Variants in RAB8B observed in about 807,000 individuals in gnomAD.
RAB8B encodes ras-related protein Rab-8B.
RAB8B carries 11 observed loss-of-function variants against 32.0 expected under a neutral mutation model. The ratio of observed to expected loss-of-function variants is 0.34; its 90% CI spans 0.22 to 0.57. The LOEUF (loss-of-function observed/expected upper bound fraction) is 0.57. RAB8B is among the 20% of genes least tolerant of loss of function. The pLI is 0.86. For synonymous variants in RAB8B, 103 were observed against 89.6 expected, an observed-to-expected ratio of 1.15 and a Z score of -0.85; for missense variants, 190 against 258.5, an observed-to-expected ratio of 0.73 and a Z score of 1.82.
At chr15:63,241,564 A>C (rs1246149229) in intron 1 of RAB8B, among the ~76,000 whole-genome samples, 1 of 152,172 alleles carries the variant, frequency 6.6e-6, no homozygotes, top group African/African-American at 2.4e-5. Context: ...CCGTAGAACT[A>C]TTTCATCTTG....
intron 1 of RAB8B, among the ~76,000 whole-genome samples, chr15:63,190,455 A>G (rs2037546375): frequency 6.6e-6 from 1 of 152,084 alleles, no homozygotes; most frequent in South Asian, 2.1e-4. Flanking sequence ...GGAAAAGAGG[A>G]AGCAACATCA....
At chr15:63,257,855 T>C (rs1018700703) in intron 5 of RAB8B, among the ~76,000 whole-genome samples, 18 of 151,652 alleles carry the variant, frequency 1.2e-4, no homozygotes, top group Non-Finnish European at 2.5e-4. Flanking sequence ...GGTCAGGAGT[T>C]CGAGACCAGC....
At chr15:63,200,683 A>G (rs1189213559) in intron 1 of RAB8B, among the ~76,000 whole-genome samples, 4 of 152,302 alleles carry the variant, frequency 2.6e-5, no homozygotes, top group Admixed American at 2.6e-4. Context: ...AGATAGGTGA[A>G]AAATAGTCTA....
chr15:63,259,991 C>T lies in RAB8B; in HGVS notation c.480+299C>T, dbSNP rs563103188. 6.5e-4 allele frequency among the ~76,000 whole-genome samples: 99 copies of T among 152,248 alleles called. No individual in the cohort carries two copies. The highest frequency in any genetic ancestry group is 1.7e-3 in the South Asian group (8 of 4,818). On this transcript the variant is annotated intron_variant, in intron 6 of 7. Transcript: ENST00000321437. The surrounding 1 kb of genome is among the most constrained non-coding windows in gnomAD (Gnocchi z 4.4). Reference sequence around the variant, plus strand: ...CTGGTACTATAGGTGTGCATCACCACGCCCAGCTAATTTTTGTATTTTTAG... The same window carrying T: ...CTGGTACTATAGGTGTGCATCACCATGCCCAGCTAATTTTTGTATTTTTAG...
rs2038180133 is a variant in RAB8B, at chr15:63,259,014, A to G, written c.415-613A>G. On this transcript the variant is annotated intron_variant, in intron 5 of 7. Coordinates refer to ENST00000321437, the MANE Select transcript of RAB8B (RefSeq NM_016530.3). The surrounding 1 kb of genome is among the most constrained non-coding windows in gnomAD (Gnocchi z 4.4). ...AATTGGCCTTAGGTTCCCTGCCTCC[A>G]GACCCTATTCTGCTACCTTAGGAGG... Among the ~76,000 whole-genome samples, 2 of 152,194 alleles carry G rather than the reference A, an allele frequency of 1.3e-5. No homozygotes were observed. Among genetic ancestry groups the G allele is most frequent in the South Asian group, 4.1e-4 (2 of 4,822 alleles).
At chr15:63,203,861 T>A (rs1004203404) in intron 1 of RAB8B, among the ~76,000 whole-genome samples, 5 of 152,158 alleles carry the variant, frequency 3.3e-5, no homozygotes, top group Non-Finnish European at 5.9e-5. Context: ...CTCAGAAGTA[T>A]TTTTTCTGAT....
chr15:63,233,803 G>C (rs1337302689), intron 1 of RAB8B, among the ~76,000 whole-genome samples: 1 of 150,744 alleles, frequency 6.6e-6, no homozygotes, highest in African/African-American at 2.4e-5. Flanking sequence ...ACAAAGTCCT[G>C]TTTTTTTTTC....
At chr15:63,193,973 A>G (rs2141104792) in intron 1 of RAB8B, among the ~76,000 whole-genome samples, 1 of 152,314 alleles carries the variant, frequency 6.6e-6, no homozygotes, top group African/African-American at 2.4e-5. Flanking sequence ...ACGTCTTGAA[A>G]TGGCTCTGGA....
At chr15:63,229,778 T>C (rs12595352) in intron 1 of RAB8B, among the ~76,000 whole-genome samples, 109,153 of 113,064 alleles carry the variant, frequency 0.97, 52,621 homozygotes, top group Middle Eastern at 0.99. Flanking sequence ...AAGACGCTGT[T>C]TCAAAAAAAA....
At chr15:63,216,072 A>T (rs1434723256) in intron 1 of RAB8B, among the ~76,000 whole-genome samples, 1 of 151,862 alleles carries the variant, frequency 6.6e-6, no homozygotes. Context: ...ACCCTATTCA[A>T]GAGTCCATAA....
chr15:63,218,321 T>G (rs1223157964), intron 1 of RAB8B, among the ~76,000 whole-genome samples: 1 of 152,238 alleles, frequency 6.6e-6, no homozygotes, highest in African/African-American at 2.4e-5. Flanking sequence ...ATTCAGTACC[T>G]ATCACAGTGC....
chr15:63,225,675 T>A (rs1261193144), intron 1 of RAB8B, among the ~76,000 whole-genome samples: 1 of 152,182 alleles, frequency 6.6e-6, no homozygotes, highest in Non-Finnish European at 1.5e-5. Flanking sequence ...ATTATGAAAT[T>A]TTAATGACTA....
intron 1 of RAB8B, among the ~76,000 whole-genome samples, chr15:63,241,978 G>T (rs1363447953): frequency 6.6e-6 from 1 of 151,770 alleles, no homozygotes; most frequent in Non-Finnish European, 1.5e-5. Context: ...TGAGGGAGGT[G>T]CCTTAGAGGA....
chr15:63,217,187 G>T (rs571640880), intron 1 of RAB8B, among the ~76,000 whole-genome samples: 1 of 152,126 alleles, frequency 6.6e-6, no homozygotes, highest in Non-Finnish European at 1.5e-5. Flanking sequence ...AATGTACTTC[G>T]AAGAGACTAA....
intron 6 of RAB8B, among the ~76,000 whole-genome samples, chr15:63,261,973 G>A (rs920419669): frequency 2.0e-5 from 3 of 152,180 alleles, no homozygotes; most frequent in Non-Finnish European, 2.9e-5. Flanking sequence ...GACTTCCATG[G>A]TGGGGAATTT....
intron 3 of RAB8B, 103 bp from the exon 4 acceptor site, chr15:63,255,404 A>G: frequency 2.8e-6 from 2 of 714,070 alleles, no homozygotes; most frequent in Admixed American, 6.8e-5. Context: ...AAGGGAAAAA[A>G]TGGACAAACA....
chr15:63,206,637 C>T (rs75726724), intron 1 of RAB8B, among the ~76,000 whole-genome samples: 7,842 of 152,138 alleles, frequency 0.052, 266 homozygotes, highest in Non-Finnish European at 0.079. Context: ...TCCTCTCCTC[C>T]GTCATCTGTC....
chr15:63,240,023 G>A (rs992345344), intron 1 of RAB8B, among the ~76,000 whole-genome samples: 4 of 152,132 alleles, frequency 2.6e-5, no homozygotes, highest in African/African-American at 9.7e-5. Flanking sequence ...GGTCATGCAG[G>A]AGTGCAGGAA....
At chr15:63,223,087 A>G in intron 1 of RAB8B, 1 of 454,714 alleles carries the variant, frequency 2.2e-6, no homozygotes, top group South Asian at 1.6e-5. Context: ...AGTACCCTAT[A>G]TAGGTATACC....
Sources: allele counts gnomAD v4.1 joint callset (sites outside exome capture counted in the v4.1 genomes callset), GRCh38; gene constraint gnomAD v4.1.1; non-coding constraint Gnocchi (gnomAD v3.1); transcripts MANE v1.5; gene names NCBI Gene and HGNC (gene_info 2026-07-23, HGNC 2026-07-21).